NLGN4X: variants seen among roughly 807,000 people sequenced by gnomAD.
The protein encoded by NLGN4X is neuroligin 4 X-linked, also known as neuroligin-4, X-linked.
NLGN4X carries 3 observed loss-of-function variants against 40.3 expected under a neutral mutation model. The observed-to-expected ratio is 0.07, with a 90% CI of 0.03 to 0.19. The LOEUF (loss-of-function observed/expected upper bound fraction) is 0.19. Among genes scored for constraint, NLGN4X ranks in the 10% least tolerant of loss-of-function variants. The probability of loss-of-function intolerance (pLI) is 1.00; values close to 1 mark genes in which losing one functional copy is unlikely to be tolerated. For synonymous variants in NLGN4X, 270 were observed against 306.8 expected, an observed-to-expected ratio of 0.88 and a Z score of 1.25; for missense variants, 382 against 708.3, an observed-to-expected ratio of 0.54 and a Z score of 5.23.
intron 2 of NLGN4X, among the ~76,000 whole-genome samples, chrX:6,126,453 T>C (rs1374867489): frequency 9.0e-6 from 1 of 111,676 alleles, no homozygotes. Flanking sequence ...ATGGAAACCA[T>C]GTAATTTAAC....
At chrX:6,171,286 T>A (rs1056012302) in intron 1 of NLGN4X, among the ~76,000 whole-genome samples, 2 of 112,479 alleles carry the variant, frequency 1.8e-5, no homozygotes, top group Admixed American at 1.9e-4. Context: ...TATTGTTCAA[T>A]TTTTCTGAAT....
At chrX:6,010,844 C>G (rs1308822805) in intron 3 of NLGN4X, among the ~76,000 whole-genome samples, 1 of 111,130 alleles carries the variant, frequency 9.0e-6, no homozygotes, top group Non-Finnish European at 1.9e-5. Flanking sequence ...TCTTTTTCTA[C>G]ATCAATTTAG....
In NLGN4X at chrX:6,029,384, C is replaced by G; in HGVS notation, c.521G>C (p.Gly174Ala). The change falls in exon 3 of 6, where the codon GGG (glycine) becomes GCG (alanine). Residue 174 changes from glycine (G) to alanine (A), a missense_variant. Transcript: ENST00000381095. ...SKKPVMVYIH[G>A]GSYMEGTGNM... Reference sequence around the variant, plus strand: ...GCCGGTGCCCTCCATGTAAGATCCCCCATGGATATAGACCATGACGGGCTT... The same window carrying G: ...GCCGGTGCCCTCCATGTAAGATCCCGCATGGATATAGACCATGACGGGCTT... The G allele has an allele frequency of 3.3e-6, 4 of 1,210,040 alleles. No individual in the cohort carries two copies. The highest frequency in any genetic ancestry group is 4.5e-6 in the Non-Finnish European group (4 of 894,212).
intron 1 of NLGN4X, among the ~76,000 whole-genome samples, chrX:6,208,512 A>G (rs1432426600): frequency 8.9e-6 from 1 of 112,115 alleles, no homozygotes; most frequent in Non-Finnish European, 1.9e-5. Context: ...TGTGGTTACT[A>G]TCTCTCATTG....
intron 3 of NLGN4X, among the ~76,000 whole-genome samples, chrX:5,932,489 G>A (rs2033582811): frequency 9.0e-6 from 1 of 111,329 alleles, no homozygotes; most frequent in African/African-American, 3.3e-5. Context: ...TATAATGATT[G>A]GAACAGATCA....
chrX:6,021,215 T>G (rs1489052672), intron 3 of NLGN4X, among the ~76,000 whole-genome samples: 5 of 107,697 alleles, frequency 4.6e-5, no homozygotes. Context: ...GTGCTGGGAT[T>G]ACAGGTGAGA....
chrX:6,206,961 G>A (rs959034088), intron 1 of NLGN4X, among the ~76,000 whole-genome samples: 1 of 110,686 alleles, frequency 9.0e-6, no homozygotes, highest in African/African-American at 3.3e-5. Context: ...AAGAATCAAG[G>A]TATTTTAGTT....
At chrX:6,225,344 T>C (rs1450068029) in intron 1 of NLGN4X, among the ~76,000 whole-genome samples, 1 of 108,943 alleles carries the variant, frequency 9.2e-6, no homozygotes, top group Admixed American at 9.9e-5. Flanking sequence ...CACAGCCAAC[T>C]AAAGGTATGA....
intron 3 of NLGN4X, among the ~76,000 whole-genome samples, chrX:5,983,944 C>T (rs2035459284): frequency 9.0e-6 from 1 of 111,082 alleles, no homozygotes; most frequent in African/African-American, 3.3e-5. Context: ...CTGGGCAACA[C>T]AGGGAGCTGT....
intron 2 of NLGN4X, among the ~76,000 whole-genome samples, chrX:6,048,522 T>C (rs1231656231): frequency 9.0e-6 from 1 of 111,659 alleles, no homozygotes; most frequent in Non-Finnish European, 1.9e-5. Context: ...CGTGAGATGG[T>C]TTCTCAATGT....
intron 2 of NLGN4X, among the ~76,000 whole-genome samples, chrX:6,059,206 A>C (rs2037711000): frequency 8.9e-6 from 1 of 111,872 alleles, no homozygotes; most frequent in Admixed American, 9.5e-5. Flanking sequence ...GTAGAATGGA[A>C]ATTCATGATC....
At chrX:5,978,278 TTCTTTCTTTCTTTC>T (rs1569164686) in intron 3 of NLGN4X, among the ~76,000 whole-genome samples, 10 of 2,980 alleles carry the variant, frequency 3.4e-3, no homozygotes, top group African/African-American at 0.014. Context: ...CTTTTTTTCT[TTCTTTCTTTCTTTC>T]TTTCTTTCTT....
chrX:6,064,340 C>T (rs1283737215), intron 2 of NLGN4X, among the ~76,000 whole-genome samples: 1 of 111,961 alleles, frequency 8.9e-6, no homozygotes, highest in Non-Finnish European at 1.9e-5. Context: ...CTGTCTTTCA[C>T]AGATGGACAC....
intron 1 of NLGN4X, 78 bp downstream of exon 1, chrX:6,228,463 T>C (rs1281151729): frequency 8.9e-6 from 1 of 112,180 alleles, no homozygotes; most frequent in Non-Finnish European, 1.9e-5. Flanking sequence ...TTCCATCCTT[T>C]GCTGCAAGTC....
chrX:6,085,485 A>T (rs1420320469), intron 2 of NLGN4X, among the ~76,000 whole-genome samples: 2 of 111,786 alleles, frequency 1.8e-5, no homozygotes, highest in Non-Finnish European at 3.8e-5. Context: ...TATTCTTCAG[A>T]TTTTTTTGAG....
At chrX:6,140,251 G>A (rs1307115143) in intron 2 of NLGN4X, among the ~76,000 whole-genome samples, 1 of 111,533 alleles carries the variant, frequency 9.0e-6, no homozygotes, top group African/African-American at 3.3e-5. Flanking sequence ...AGGCAAACTT[G>A]AGGACCGTGC....
At chrX:5,988,466 G>A (rs1320590487) in intron 3 of NLGN4X, among the ~76,000 whole-genome samples, 4 of 112,006 alleles carry the variant, frequency 3.6e-5, no homozygotes, top group Middle Eastern at 4.7e-3. Context: ...AGACATTGGC[G>A]GGTGGGAATG....
intron 2 of NLGN4X, among the ~76,000 whole-genome samples, chrX:6,116,655 G>A (rs1232690946): frequency 9.4e-6 from 1 of 105,946 alleles, no homozygotes; most frequent in Non-Finnish European, 1.9e-5. Flanking sequence ...TCAGCCTCCC[G>A]AGTAGCTGGA....
intron 3 of NLGN4X, among the ~76,000 whole-genome samples, chrX:5,940,811 G>C (rs1377424306): frequency 9.0e-6 from 1 of 110,653 alleles, no homozygotes; most frequent in Non-Finnish European, 1.9e-5. Context: ...AAATCTCACA[G>C]TCAGTAAAAG....
Sources: allele counts gnomAD v4.1 joint callset (sites outside exome capture counted in the v4.1 genomes callset), GRCh38; gene constraint gnomAD v4.1.1; transcripts MANE v1.5; gene names NCBI Gene and HGNC (gene_info 2026-07-23, HGNC 2026-07-21).